The following ANGEL1 variants were observed in gnomAD, a reference collection of about 807,000 sequenced individuals.
The protein encoded by ANGEL1 is angel homolog 1.
A neutral mutation model predicts 76.4 loss-of-function variants in ANGEL1; 62 were observed. The observed-to-expected ratio is 0.81, with a 90% CI of 0.66 to 1.00. ANGEL1 has a LOEUF of 1.00. ANGEL1 is among the 50% of genes least tolerant of loss of function. The probability of loss-of-function intolerance (pLI) is 0.00; values close to 1 mark genes in which losing one functional copy is unlikely to be tolerated. For missense variants in ANGEL1, 737 were observed against 836.7 expected, an observed-to-expected ratio of 0.88 and a Z score of 1.47; for synonymous variants, 340 against 331.7, an observed-to-expected ratio of 1.03 and a Z score of -0.27.
chr14:76,796,297 C>T (rs1894575512), intron 7 of ANGEL1, among the ~76,000 whole-genome samples: 1 of 149,306 alleles, frequency 6.7e-6, no homozygotes, highest in East Asian at 1.9e-4. Flanking sequence ...CACTCTGTCA[C>T]TCAGGCAGGG....
chr14:76,804,787 A>G (rs1225821857), intron 5 of ANGEL1, among the ~76,000 whole-genome samples: 1 of 152,168 alleles, frequency 6.6e-6, no homozygotes, highest in Non-Finnish European at 1.5e-5. Flanking sequence ...AGGTAGGTGG[A>G]TCACCTGAGT....
intron 5 of ANGEL1, 108 bp downstream of exon 5, chr14:76,806,308 G>C: frequency 2.6e-6 from 3 of 1,175,960 alleles, no homozygotes; most frequent in Non-Finnish European, 3.6e-6. Context: ...GGAGGAGCAG[G>C]CCAGAGCAGG....
At chr14:76,794,703 T>C (rs1361725612) in intron 7 of ANGEL1, among the ~76,000 whole-genome samples, 1 of 152,052 alleles carries the variant, frequency 6.6e-6, no homozygotes, top group African/African-American at 2.4e-5. Flanking sequence ...AATGCCCTTT[T>C]ATATGCCTTA....
At position 76,812,799 on chromosome 14, in the gene ANGEL1, A is replaced by G; in HGVS notation, c.29T>C (p.Leu10Pro). The G allele has an allele frequency of 3.9e-6, 6 of 1,521,602 alleles. No individual in the cohort carries two copies. Among genetic ancestry groups the G allele is most frequent in the Non-Finnish European group, 5.3e-6 (6 of 1,139,458 alleles). 94.3% of individuals were successfully genotyped at this position (1,521,602 alleles called of 1,614,324 possible). The change falls in exon 1 of 10, where the codon CTG becomes CCG. Residue 10 changes from leucine (L) to proline (P), a missense_variant. By Grantham distance (98) the Leu-to-Pro change is moderately conservative. This residue lies in a region of ANGEL1 where 441 missense variants were observed against 449.5 expected (regional missense o/e 0.98). Coordinates refer to ENST00000251089, the MANE Select transcript of ANGEL1 (RefSeq NM_015305.4). MIASCLCYL[L>P]LPATRLFRAL... ...GCGGAAGAGGCGCGTGGCCGGCAGC[A>G]GCAGGTAACACAAGCACGACGCGAT...
In ANGEL1 at chr14:76,803,428, C is replaced by T. The variant is rs375071846; in HGVS notation, c.1561G>A (p.Ala521Thr). 1.3e-5 allele frequency: 21 copies of T among 1,614,064 alleles called. No homozygotes were observed. The East Asian group carries it at 3.1e-4, about 24-fold the overall frequency. The change falls in exon 7 of 10, where the codon GCT (alanine) becomes ACT (threonine). Residue 521 changes from alanine (A) to threonine (T), a missense_variant. This residue lies in a region of ANGEL1 where 296 missense variants were observed against 387.2 expected (regional missense o/e 0.76). Coordinates refer to ENST00000251089, the MANE Select transcript of ANGEL1 (RefSeq NM_015305.4). Reference sequence around the variant, plus strand: ...ACCAGTCCTACTGGTCGCTGACAAGCGATGCTGCAGAAGCGGAAACGTAGC... The same window carrying T: ...ACCAGTCCTACTGGTCGCTGACAAGTGATGCTGCAGAAGCGGAAACGTAGC... ...FLLRFRFCSI[A>T]CQRPVGLVLM...
In ANGEL1 at chr14:76,809,089, G is replaced by A. The variant is rs1895006899; in HGVS notation, c.619C>T (p.Gln207Ter). Residue 207 changes from glutamine to a stop codon, truncating the protein, a stop_gained, in exon 2 of 10, where the codon CAG (glutamine) becomes TAG (stop). Transcript: ENST00000251089. LOFTEE classifies it high-confidence loss of function. ...TATGGTATTTCCACTGCGGGAGGCT[G>A]CAACTGCCCCAGGCCCTCAAAGGGC... ...IWPFEGLGQL[Q>*]PPAVEIPYHE... 1.2e-6 allele frequency: 2 copies of A among 1,613,514 alleles called. No individual in the cohort carries two copies. Among genetic ancestry groups the A allele is most frequent in the Middle Eastern group, 1.7e-4 (1 of 6,058 alleles).
intron 7 of ANGEL1, among the ~76,000 whole-genome samples, chr14:76,796,752 T>C (rs758396406): frequency 3.3e-5 from 5 of 152,222 alleles, no homozygotes; most frequent in Non-Finnish European, 7.3e-5. Context: ...TTTATCTACT[T>C]GATCTGCTGC....
intron 7 of ANGEL1, among the ~76,000 whole-genome samples, chr14:76,794,111 T>C (rs2140211671): frequency 6.6e-6 from 1 of 152,148 alleles, no homozygotes; most frequent in South Asian, 2.1e-4. Flanking sequence ...ACATCTATGG[T>C]CAATTGATTT....
At chr14:76,803,694 AG>A in intron 6 of ANGEL1, 91 bp downstream of exon 6, 1 of 1,507,736 alleles carries the variant, frequency 6.6e-7, no homozygotes, top group Non-Finnish European at 8.9e-7. Context: ...AAGAGAAATG[AG>A]GGATTACACT....
At chr14:76,800,249 A>G (rs1894721187) in intron 7 of ANGEL1, among the ~76,000 whole-genome samples, 1 of 152,206 alleles carries the variant, frequency 6.6e-6, no homozygotes. Flanking sequence ...AGATCCTGTT[A>G]CTGTTTTTAT....
At chr14:76,810,567 G>A (rs1267804655) in intron 1 of ANGEL1, among the ~76,000 whole-genome samples, 1 of 152,194 alleles carries the variant, frequency 6.6e-6, no homozygotes, top group Non-Finnish European at 1.5e-5. Context: ...AAAGTAGACA[G>A]TCTCAAAAAT....
At chr14:76,789,815 C>T (rs1202106489) in intron 9 of ANGEL1, among the ~76,000 whole-genome samples, 1 of 150,826 alleles carries the variant, frequency 6.6e-6, no homozygotes, top group Non-Finnish European at 1.5e-5. Context: ...CTGCCTCAGC[C>T]TCCTGAGTAG....
At chr14:76,791,021 T>A (rs1894389833) in intron 8 of ANGEL1, among the ~76,000 whole-genome samples, 1 of 152,062 alleles carries the variant, frequency 6.6e-6, no homozygotes, top group African/African-American at 2.4e-5. Context: ...TGGTAAAGTA[T>A]CCCCAATGTA....
chr14:76,806,667 C>G lies in ANGEL1; in HGVS notation c.1129G>C (p.Gly377Arg). 6.2e-7 allele frequency: 1 copy of G among 1,614,054 alleles called. No individual in the cohort carries two copies. The highest frequency in any genetic ancestry group is 8.5e-7 in the Non-Finnish European group (1 of 1,180,038). Residue 377 changes from glycine to arginine, a missense_variant, in exon 5 of 10, where the codon GGC becomes CGC. Gly to Arg is a moderately radical substitution (Grantham distance 125). This residue lies in a region of ANGEL1 where 296 missense variants were observed against 387.2 expected (regional missense o/e 0.76). Transcript: ENST00000251089. ...GGGGCCACCGAGACTTGTCCCAGGC[C>G]TTCTGGGACGAGTGGTTGCAGTAGC... ...VLLLQPLVPE[G>R]LGQVSVAPLC... is the part of the protein sequence containing the mutation.
chr14:76,804,160 T>C, intron 5 of ANGEL1: 1 of 1,427,970 alleles, frequency 7.0e-7, no homozygotes. Context: ...TCAAGGGGAA[T>C]CGAATAGTAT....
intron 7 of ANGEL1, among the ~76,000 whole-genome samples, chr14:76,798,271 C>T (rs1894644718): frequency 6.6e-6 from 1 of 152,086 alleles, no homozygotes. Context: ...GCTACAGTCG[C>T]ATGCCACCAC....
intron 7 of ANGEL1, among the ~76,000 whole-genome samples, chr14:76,803,010 T>C (rs925881674): frequency 1.7e-4 from 26 of 152,274 alleles, no homozygotes; most frequent in African/African-American, 6.0e-4. Flanking sequence ...ACAACTTTTA[T>C]TAAAATCAGA....
At chr14:76,805,012 AAAATAAATAAATAAATAAAT>A (rs59478597) in intron 5 of ANGEL1, among the ~76,000 whole-genome samples, 50 of 147,040 alleles carry the variant, frequency 3.4e-4, no homozygotes, top group Non-Finnish European at 2.5e-4. Context: ...TCTGTCTCAA[AAAATAAATAAATAAATAAAT>A]AAATAAATAA....
At chr14:76,801,512 C>A (rs1364764684) in intron 7 of ANGEL1, among the ~76,000 whole-genome samples, 1 of 152,118 alleles carries the variant, frequency 6.6e-6, no homozygotes, top group Non-Finnish European at 1.5e-5. Context: ...TTAAATATTT[C>A]TTCTGTGTTA....
Sources: gnomAD v4.1 joint callset for allele counts (sites outside exome capture counted in the v4.1 genomes callset) on GRCh38, gnomAD v4.1.1 for gene constraint, gnomAD v4.1.1 regional missense constraint, MANE v1.5 for transcripts, NCBI Gene and HGNC (gene_info 2026-07-23, HGNC 2026-07-21) for gene names.